Variants in TMC5 observed in about 807,000 individuals in gnomAD.
The protein encoded by TMC5 is transmembrane channel like 5.
Under a neutral mutation model 110.5 loss-of-function variants are expected in TMC5, and 86 were observed. The observed-to-expected ratio is 0.78, with a 90% CI of 0.65 to 0.93. The LOEUF is 0.93. Ranked by LOEUF, TMC5 falls within the 40% of genes least tolerant of loss-of-function variation. TMC5 has a pLI of 0.00. For missense variants in TMC5, 1,144 were observed against 1,222.8 expected (o/e 0.94, Z 0.96); for synonymous variants, 455 against 439.5 (o/e 1.04, Z -0.44).
intron 5 of TMC5, among the ~76,000 whole-genome samples, chr16:19,450,766 T>G (rs1967730415): frequency 6.6e-6 from 1 of 152,236 alleles, no homozygotes; most frequent in African/African-American, 2.4e-5. Context: ...CTGGGTCACC[T>G]GTCTATTCTG....
rs1199337979 is a variant in TMC5 at position 19,464,413 on chromosome 16, G to T, written c.1485+389G>T. Among the ~76,000 whole-genome samples, 3 of 152,148 alleles carry T rather than the reference G, an allele frequency of 2.0e-5. No individual in the cohort carries two copies. The East Asian group carries it at 5.8e-4, about 29-fold the overall frequency. ...CACTCCAGCCTGGGCAACAGAGCGA[G>T]GCCTTGTCTCAATCATCAATCAATC... On this transcript the variant is annotated intron_variant, in intron 8 of 21. Transcript: ENST00000542583.
chr16:19,418,309 G>T (rs183417541), intron 1 of TMC5, among the ~76,000 whole-genome samples: 46 of 152,144 alleles, frequency 3.0e-4, no homozygotes, highest in Non-Finnish European at 6.0e-4. Flanking sequence ...CAAGCCCTAG[G>T]GTTATCTGCT....
intron 14 of TMC5, among the ~76,000 whole-genome samples, chr16:19,480,867 G>A (rs577985471): frequency 6.0e-4 from 90 of 149,446 alleles, no homozygotes; most frequent in Non-Finnish European, 1.1e-3. Context: ...TTTTAAATTG[G>A]CAACTCATCT....
At position 19,440,969 on chromosome 16, in the gene TMC5, C is replaced by T. The variant is rs1190658603; in HGVS notation, c.788+143C>T. The T allele has an allele frequency of 3.8e-6, 3 of 799,552 alleles. No individual in the cohort carries two copies. The Admixed American group carries it at 8.5e-5, about 23-fold the overall frequency. The allele number at this position is 799,552 out of a possible 1,614,324, so 49.5% of individuals were successfully genotyped here. A position where few individuals can be genotyped will look rare whatever the true frequency, so the allele number is the denominator to read the frequency against. Reference sequence around the variant, plus strand: ...TGAAGTTGTGGTGAAATGCGCATACCTATCTGTAGACCTTACCTGGGCCAT... The same window carrying T: ...TGAAGTTGTGGTGAAATGCGCATACTTATCTGTAGACCTTACCTGGGCCAT... On this transcript the variant is annotated intron_variant, in intron 3 of 21. Transcript: ENST00000542583.
intron 19 of TMC5, among the ~76,000 whole-genome samples, chr16:19,492,707 T>G (rs1968938246): frequency 6.6e-6 from 1 of 151,518 alleles, no homozygotes; most frequent in Non-Finnish European, 1.5e-5. Flanking sequence ...CCCAAAGTGC[T>G]GGGATTACAG....
At chr16:19,437,626 T>C (rs988097257) in intron 2 of TMC5, among the ~76,000 whole-genome samples, 2 of 152,212 alleles carry the variant, frequency 1.3e-5, no homozygotes, top group Non-Finnish European at 2.9e-5. Flanking sequence ...TTTAAAAATG[T>C]TCTACTTCCT....
chr16:19,481,927 C>T (rs769978190), intron 15 of TMC5, among the ~76,000 whole-genome samples: 11 of 152,116 alleles, frequency 7.2e-5, no homozygotes, highest in Admixed American at 2.6e-4. Context: ...CCTTCTACCA[C>T]GTGGGGACAT....
At chr16:19,425,765 C>A (rs1967077111) in intron 1 of TMC5, among the ~76,000 whole-genome samples, 1 of 152,212 alleles carries the variant, frequency 6.6e-6, no homozygotes, top group Non-Finnish European at 1.5e-5. Context: ...CAGCTTACTG[C>A]AACCTCTGCC....
At chr16:19,488,179 G>A (rs8050874) in intron 17 of TMC5, among the ~76,000 whole-genome samples, 19,617 of 152,088 alleles carry the variant, frequency 0.13, 1,772 homozygotes, top group East Asian at 0.39. Flanking sequence ...GGGAAGGGCA[G>A]CTAGCCCTGG....
intron 6 of TMC5, 40 bp downstream of exon 6, chr16:19,460,374 C>T (rs779185076): frequency 1.6e-5 from 22 of 1,397,658 alleles, no homozygotes; most frequent in African/African-American, 2.9e-5. Flanking sequence ...AGATTTCATG[C>T]GAACCTCAAT....
intron 14 of TMC5, among the ~76,000 whole-genome samples, chr16:19,480,526 C>T (rs976567079): frequency 2.6e-5 from 4 of 152,022 alleles, no homozygotes; most frequent in African/African-American, 7.3e-5. Flanking sequence ...AAGGTTTGGC[C>T]GGGCACAGTG....
chr16:19,493,916 T>C (rs1000497751), intron 19 of TMC5, among the ~76,000 whole-genome samples: 1 of 152,010 alleles, frequency 6.6e-6, no homozygotes, highest in African/African-American at 2.4e-5. Flanking sequence ...AGTCTTGCTC[T>C]GGGGCACGTG....
At chr16:19,415,490 C>A (rs1966872253), upstream of TMC5, among the ~76,000 whole-genome samples, 3 of 152,164 alleles carry the variant, frequency 2.0e-5, no homozygotes, top group South Asian at 6.2e-4. Context: ...GCTAAACACC[C>A]TACAATGCAC....
In TMC5 at chr16:19,479,539, G is replaced by T; in HGVS notation, c.2267+11G>T. The T allele has an allele frequency of 6.3e-7, 1 of 1,594,712 alleles. No individual in the cohort carries two copies. Among genetic ancestry groups the T allele is most frequent in the East Asian group, 2.2e-5 (1 of 44,778 alleles). On this transcript the variant is annotated intron_variant, in intron 14 of 21. Coordinates refer to ENST00000542583, the MANE Select transcript of TMC5 (RefSeq NM_001261841.2). ...GGAGTTTCTGAGGAGGTAAATATTT[G>T]CCATTCTTAAGTAATTAGGGCCTGA...
chr16:19,456,376 T>C, intron 5 of TMC5: 11 of 850,866 alleles, frequency 1.3e-5, no homozygotes, highest in Non-Finnish European at 1.4e-5. Context: ...TAGAAAAATA[T>C]CTTCCTTCTG....
At chr16:19,412,277 G>A (rs1003618838) in intron 1 of TMC5, among the ~76,000 whole-genome samples, 2 of 150,662 alleles carry the variant, frequency 1.3e-5, no homozygotes, top group East Asian at 2.0e-4. Context: ...TCACTATGTT[G>A]CCCAGTCCAG....
In TMC5 at chr16:19,457,426, G is replaced by A. The variant is rs369168519; in HGVS notation, c.1049-2809G>A. On this transcript the variant is annotated intron_variant, in intron 5 of 21. Transcript: ENST00000542583. ...AGGACATTGAGTAATATGGAAGGGC[G>A]GAAGGTTTTGTGGTTGAACTAAGGA... Among the ~76,000 whole-genome samples the A allele has an allele frequency of 1.1e-4, 16 of 152,134 alleles. 1 individual carries two copies. Among genetic ancestry groups the A allele is most frequent in the Admixed American group, 5.2e-4 (8 of 15,254 alleles).
intron 1 of TMC5, among the ~76,000 whole-genome samples, chr16:19,423,346 G>C (rs1309440864): frequency 6.6e-6 from 1 of 152,130 alleles, no homozygotes; most frequent in Admixed American, 6.6e-5. Flanking sequence ...AAGTTTGCCA[G>C]ACTTTGCTCA....
At chr16:19,436,281 A>AAAAAAAAAAAAAAG in intron 2 of TMC5, among the ~76,000 whole-genome samples, 1 of 151,166 alleles carries the variant, frequency 6.6e-6, no homozygotes, top group South Asian at 2.1e-4. Context: ...AAGAAAAAAA[A>AAAAAAAAAAAAAAG]AAAGAAAGGA....
Sources: gnomAD v4.1 joint callset for allele counts (sites outside exome capture counted in the v4.1 genomes callset) on GRCh38, gnomAD v4.1.1 for gene constraint, MANE v1.5 for transcripts, NCBI Gene and HGNC (gene_info 2026-07-23, HGNC 2026-07-21) for gene names.